TRRAP: variants seen among roughly 807,000 people sequenced by gnomAD.
The protein encoded by TRRAP is transformation/transcription domain associated protein, also known as transformation/transcription domain-associated protein.
A neutral mutation model predicts 438.8 loss-of-function variants in TRRAP; 41 were observed. The ratio of observed to expected loss-of-function variants is 0.09; its 90% CI spans 0.07 to 0.12. TRRAP has a LOEUF of 0.12. Ranked by LOEUF, TRRAP falls within the 10% of genes least tolerant of loss-of-function variation. The pLI is 1.00. For missense variants in TRRAP, 3,122 were observed against 5,055.1 expected, an observed-to-expected ratio of 0.62 and a Z score of 11.60; for synonymous variants, 1,994 against 1,962.9, an observed-to-expected ratio of 1.02 and a Z score of -0.42.
At chr7:98,932,693 A>T (rs934412396) in intron 26 of TRRAP, among the ~76,000 whole-genome samples, 10 of 152,216 alleles carry the variant, frequency 6.6e-5, no homozygotes, top group African/African-American at 2.4e-4. Flanking sequence ...CATATACTTT[A>T]AATTAGTTCT....
At chr7:98,961,508 A>C (rs774835823) in intron 46 of TRRAP, 34 bp downstream of exon 46, 1 of 1,607,026 alleles carries the variant, frequency 6.2e-7, no homozygotes, top group Non-Finnish European at 8.5e-7. Context: ...CTTTTCTTTC[A>C]AAGTGGACGG....
Position 98,994,845 on chromosome 7 carries a change from A to G in TRRAP, c.10306A>G (p.Thr3436Ala). 6.2e-7 allele frequency: 1 copy of G among 1,608,572 alleles called. No homozygotes were observed. Among genetic ancestry groups the G allele is most frequent in the Admixed American group, 1.7e-5 (1 of 59,938 alleles). The change falls in exon 67 of 73, where the codon ACG becomes GCG. Residue 3436 changes from threonine to alanine, a missense_variant. Around this residue, in one of 24 missense-constraint regions of TRRAP, gnomAD observed 107 missense variants for 327.5 expected, o/e 0.33. Coordinates refer to ENST00000456197, the MANE Select transcript of TRRAP (RefSeq NM_001375524.1). The surrounding 1 kb of genome is among the most constrained non-coding windows in gnomAD (Gnocchi z 4.8). Reference protein sequence around the residue: ...VFQKLKGQFTTDFDFSVPGSM... With the variant: ...VFQKLKGQFTADFDFSVPGSM... The stretch of plus-strand genomic sequence containing the variant: ...TCAGAAGCTGAAAGGCCAGTTCACG[A>G]CGGGTGAGTCTCCATTTTCCTTCCC...
chr7:98,994,640 G>A lies in TRRAP; in HGVS notation c.10101G>A (p.Glu3367=), dbSNP rs1007088461. 5.0e-6 allele frequency: 8 copies of A among 1,614,114 alleles called. No individual in the cohort carries two copies. The highest frequency in any genetic ancestry group is 1.7e-5 in the Admixed American group (1 of 60,010). Residue 3367 remains glutamate (E), a synonymous_variant, in exon 67 of 73, where the codon GAG becomes GAA. Coordinates refer to ENST00000456197, the MANE Select transcript of TRRAP (RefSeq NM_001375524.1). The surrounding 1 kb of genome is among the most constrained non-coding windows in gnomAD (Gnocchi z 4.8). ...GLAKCYSVAF[E]KSGAVSDAKI... ...CGAAATGTTACTCCGTGGCGTTTGA[G>A]AAAAGTGGAGCGGTGTCCGATGCTA...
chr7:98,970,384 G>A (rs1490129276), intron 52 of TRRAP, 93 bp downstream of exon 52: 2 of 1,439,666 alleles, frequency 1.4e-6, no homozygotes, highest in South Asian at 1.3e-5. Context: ...GAGACCCCGT[G>A]CCCCACGGGC....
chr7:98,931,206 A>G (rs1025429040), intron 25 of TRRAP, among the ~76,000 whole-genome samples, 199 bp from the exon 26 acceptor site: 4 of 152,210 alleles, frequency 2.6e-5, no homozygotes, highest in Non-Finnish European at 5.9e-5. Context: ...CAGGGGTCAC[A>G]TTTGGATCCA....
At chr7:98,889,222 A>G (rs1795854161) in intron 3 of TRRAP, among the ~76,000 whole-genome samples, 1 of 151,940 alleles carries the variant, frequency 6.6e-6, no homozygotes, top group African/African-American at 2.4e-5. Context: ...TATCTGTGAA[A>G]TGGAGATAAT....
At chr7:98,952,313 G>A (rs1791379180) in intron 39 of TRRAP, among the ~76,000 whole-genome samples, 1 of 152,112 alleles carries the variant, frequency 6.6e-6, no homozygotes, top group Non-Finnish European at 1.5e-5. Flanking sequence ...TTTTTTGAAC[G>A]TAGACATTTT....
chr7:98,960,408 A>G (rs549774489), intron 45 of TRRAP, among the ~76,000 whole-genome samples: 13 of 152,290 alleles, frequency 8.5e-5, no homozygotes, highest in African/African-American at 2.4e-4. Flanking sequence ...AGCACTTGTT[A>G]TTCTGGACTG....
chr7:98,961,289 A>G lies in TRRAP; in HGVS notation c.6518A>G (p.Asn2173Ser). The G allele has an allele frequency of 1.2e-6, 2 of 1,614,184 alleles. No homozygotes were observed. The highest frequency in any genetic ancestry group is 1.7e-6 in the Non-Finnish European group (2 of 1,180,020). Residue 2173 changes from asparagine (N) to serine (S), a missense_variant, in exon 46 of 73, where the codon AAT becomes AGT. Physicochemically the swap from Asn to Ser is conservative, Grantham distance 46. This residue lies in a region of TRRAP where 992 missense variants were observed against 1,281.2 expected (regional missense o/e 0.77). Coordinates refer to ENST00000456197, the MANE Select transcript of TRRAP (RefSeq NM_001375524.1). Reference sequence around the variant, plus strand: ...CAGCCAAACCAAGTGAACTATGGGAATATCTGCACGGGCCTAGAAGTGCTG... The same window carrying G: ...CAGCCAAACCAAGTGAACTATGGGAGTATCTGCACGGGCCTAGAAGTGCTG... Reference protein sequence around the residue: ...VEQPNQVNYGNICTGLEVLSF... With the variant: ...VEQPNQVNYGSICTGLEVLSF...
chr7:98,957,183 T>C (rs782343674), intron 43 of TRRAP, among the ~76,000 whole-genome samples: 2 of 152,186 alleles, frequency 1.3e-5, no homozygotes, highest in Non-Finnish European at 2.9e-5. Context: ...CGCAAATAAC[T>C]CATCCCTGCC....
At chr7:98,960,878 A>C (rs1042776298) in intron 45 of TRRAP, among the ~76,000 whole-genome samples, 2 of 151,918 alleles carry the variant, frequency 1.3e-5, no homozygotes, top group African/African-American at 4.8e-5. Flanking sequence ...CAGCCTCCCA[A>C]AGTGCTGGGA....
Position 98,915,473 on chromosome 7 carries a change from G to A in TRRAP, c.2200-250G>A, listed in dbSNP as rs370175272. On this transcript the variant is annotated intron_variant, in intron 18 of 72. Coordinates refer to ENST00000456197, the MANE Select transcript of TRRAP (RefSeq NM_001375524.1). Reference sequence around the variant, plus strand: ...TCCCAAAGTGCTGGGATTACAGGCCGGAGCCACCTTGCCTGGCCCCTGTAG... The same window carrying A: ...TCCCAAAGTGCTGGGATTACAGGCCAGAGCCACCTTGCCTGGCCCCTGTAG... 5.3e-5 allele frequency among the ~76,000 whole-genome samples: 8 copies of A among 152,240 alleles called. No individual in the cohort carries two copies. The East Asian group carries it at 1.2e-3, about 22-fold the overall frequency.
At chr7:98,949,986 G>A (rs1791257598) in intron 37 of TRRAP, 78 bp from the exon 38 acceptor site, 18 of 1,594,672 alleles carry the variant, frequency 1.1e-5, no homozygotes, top group African/African-American at 1.3e-5. Flanking sequence ...TCTCTGAGCT[G>A]TTTAAAGGCA....
rs1453693408 is a variant in TRRAP at position 99,004,314 on chromosome 7, G to A, written c.10434G>A (p.Lys3478=). The A allele has an allele frequency of 1.9e-6, 3 of 1,614,254 alleles. No homozygotes were observed. Among genetic ancestry groups the A allele is most frequent in the Admixed American group, 1.7e-5 (1 of 60,032 alleles). The part of the protein sequence containing the change: ...QLPKFFLIEE[K]CRFLSNFSAQ... ...CCAAATTCTTCCTCATAGAGGAAAA[G>A]TGCCGGTTCTTGAGCAATTTCTCGG... Residue 3478 remains lysine (K), a synonymous_variant, in exon 68 of 73, where the codon AAG becomes AAA. Transcript: ENST00000456197.
chr7:98,907,807 G>A (rs1460668121), intron 13 of TRRAP, among the ~76,000 whole-genome samples: 1 of 147,328 alleles, frequency 6.8e-6, no homozygotes, highest in African/African-American at 2.6e-5. Context: ...TCCCTGACCT[G>A]CTTCAGCCAT....
chr7:98,954,465 C>T (rs189610962), intron 40 of TRRAP, among the ~76,000 whole-genome samples: 11 of 152,340 alleles, frequency 7.2e-5, no homozygotes, highest in Admixed American at 3.3e-4. Context: ...CCAGAGGTCT[C>T]TCACATCCCC....
At chr7:98,938,463 G>A (rs1474678265) in intron 30 of TRRAP, among the ~76,000 whole-genome samples, 1 of 152,220 alleles carries the variant, frequency 6.6e-6, no homozygotes, top group Non-Finnish European at 1.5e-5. Flanking sequence ...CCCTGAGACA[G>A]CCAGGGTTAA....
intron 13 of TRRAP, among the ~76,000 whole-genome samples, chr7:98,906,738 T>C (rs1796755694): frequency 6.6e-6 from 1 of 152,016 alleles, no homozygotes; most frequent in African/African-American, 2.4e-5. Flanking sequence ...CAGCCAAGAA[T>C]TGCAGGATTT....
chr7:98,894,244 C>T (rs1554405396), intron 6 of TRRAP, among the ~76,000 whole-genome samples: 1 of 152,150 alleles, frequency 6.6e-6, no homozygotes, highest in African/African-American at 2.4e-5. Context: ...AGCTGTGTGA[C>T]ATTGGTTAAG....
Sources: allele counts gnomAD v4.1 joint callset (sites outside exome capture counted in the v4.1 genomes callset), GRCh38; gene constraint gnomAD v4.1.1; regional missense constraint gnomAD v4.1.1; non-coding constraint Gnocchi (gnomAD v3.1); transcripts MANE v1.5; gene names NCBI Gene and HGNC (gene_info 2026-07-23, HGNC 2026-07-21).